The following EPDR1 variants were observed in gnomAD, a reference collection of about 807,000 sequenced individuals.
EPDR1 encodes the protein mammalian ependymin-related protein 1.
In EPDR1, 27 loss-of-function variants were observed where a neutral mutation model predicts 23.7. The ratio of observed to expected loss-of-function variants is 1.14; its 90% CI spans 0.84 to 1.57. The LOEUF is 1.57. Ranked by LOEUF, EPDR1 falls within the 40% of genes most tolerant of loss-of-function variation. EPDR1 has a pLI of 0.00. For synonymous variants in EPDR1, 137 were observed against 118.2 expected (o/e 1.16, Z -1.03); for missense variants, 349 against 290.4 (o/e 1.20, Z -1.47).
At chr7:37,929,330 GCTGTGT>G (rs1785884177) in intron 1 of EPDR1, among the ~76,000 whole-genome samples, 1 of 152,148 alleles carries the variant, frequency 6.6e-6, no homozygotes, top group African/African-American at 2.4e-5. Context: ...TATGGTTGTT[GCTGTGT>G]CTCTAACTCC....
At chr7:37,948,261 G>A (rs1583672803) in intron 1 of EPDR1, among the ~76,000 whole-genome samples, 1 of 152,002 alleles carries the variant, frequency 6.6e-6, no homozygotes, top group African/African-American at 2.4e-5. Flanking sequence ...TCTTCCCCAT[G>A]TTTGTATGCT....
At chr7:37,931,526 TA>T (rs59487813) in intron 1 of EPDR1, among the ~76,000 whole-genome samples, 21,897 of 151,298 alleles carry the variant, frequency 0.14, 1,735 homozygotes, top group Middle Eastern at 0.22. Flanking sequence ...AATAAATAAA[TA>T]AAAAAAATAA....
chr7:37,946,670 G>A (rs555341490), intron 1 of EPDR1, among the ~76,000 whole-genome samples: 3 of 152,222 alleles, frequency 2.0e-5, no homozygotes, highest in Non-Finnish European at 2.9e-5. Context: ...CTCCATGCAT[G>A]TTACTGGCCC....
intron 1 of EPDR1, among the ~76,000 whole-genome samples, chr7:37,936,227 A>G (rs1035825483): frequency 4.0e-5 from 6 of 151,730 alleles, no homozygotes; most frequent in Non-Finnish European, 7.4e-5. Context: ...AAATCCATAA[A>G]TATCTATAAA....
At chr7:37,939,956 C>T (rs1786137401) in intron 1 of EPDR1, among the ~76,000 whole-genome samples, 2 of 152,164 alleles carry the variant, frequency 1.3e-5, no homozygotes, top group Admixed American at 6.5e-5. Flanking sequence ...ATAATTTACC[C>T]TAAACATACA....
At chr7:37,944,555 A>C (rs186447482) in intron 1 of EPDR1, among the ~76,000 whole-genome samples, 39 of 152,122 alleles carry the variant, frequency 2.6e-4, no homozygotes, top group Non-Finnish European at 4.6e-4. Context: ...ACAGTGGCAG[A>C]AGAAGGAAGA....
Position 37,921,210 on chromosome 7 carries a change from T to C in EPDR1, c.269+2T>C. The C allele has an allele frequency of 6.3e-7, 1 of 1,582,074 alleles. No homozygotes were observed. On this transcript the variant is annotated splice_donor_variant, in intron 1 of 2. Transcript: ENST00000199448. LOFTEE classifies it high-confidence loss of function. ...GAAGGCGCTGATCCCCTGCAAGAGGTACAGGTCATCGGCCCGCGGGGCGGG... is the reference window on the plus strand; with the variant it reads ...GAAGGCGCTGATCCCCTGCAAGAGGCACAGGTCATCGGCCCGCGGGGCGGG...
At chr7:37,928,329 T>C (rs1244982824) in intron 1 of EPDR1, among the ~76,000 whole-genome samples, 3 of 152,194 alleles carry the variant, frequency 2.0e-5, no homozygotes, top group South Asian at 4.1e-4. Context: ...TAGTCTTAGA[T>C]TTCACCAATT....
intron 1 of EPDR1, among the ~76,000 whole-genome samples, chr7:37,948,217 A>G (rs1786319810): frequency 6.6e-6 from 1 of 152,064 alleles, no homozygotes; most frequent in Non-Finnish European, 1.5e-5. Context: ...GGGTAAACAA[A>G]AGTTCACAAA....
At chr7:37,928,018 A>G (rs1002549351) in intron 1 of EPDR1, among the ~76,000 whole-genome samples, 5 of 152,218 alleles carry the variant, frequency 3.3e-5, no homozygotes, top group African/African-American at 1.2e-4. Context: ...CAGTGTGTCT[A>G]TAGACCCTGG....
intron 1 of EPDR1, among the ~76,000 whole-genome samples, chr7:37,933,668 C>T (rs965989642): frequency 2.6e-5 from 4 of 152,146 alleles, no homozygotes; most frequent in African/African-American, 7.2e-5. Context: ...TTCACCTATA[C>T]CCAGGCCAAG....
chr7:37,925,327 T>C (rs938351755), intron 1 of EPDR1, among the ~76,000 whole-genome samples: 3 of 152,220 alleles, frequency 2.0e-5, no homozygotes, highest in African/African-American at 4.8e-5. Context: ...AATGAAGCTC[T>C]TAATGCAGAG....
chr7:37,926,642 G>T, intron 1 of EPDR1: 2 of 453,200 alleles, frequency 4.4e-6, no homozygotes, highest in Non-Finnish European at 8.9e-6. Flanking sequence ...ATTTGGGTTT[G>T]TCTGATGTTT....
intron 1 of EPDR1, among the ~76,000 whole-genome samples, chr7:37,930,784 AG>A (rs1446058090): frequency 1.3e-5 from 2 of 152,214 alleles, no homozygotes; most frequent in South Asian, 2.1e-4. Flanking sequence ...TATATTGAAA[AG>A]AATTTGAAGT....
At chr7:37,924,625 C>A (rs1396051992) in intron 1 of EPDR1, among the ~76,000 whole-genome samples, 1 of 152,194 alleles carries the variant, frequency 6.6e-6, no homozygotes, top group Non-Finnish European at 1.5e-5. Context: ...CCAATAGGTG[C>A]TGGTTTCACA....
intron 1 of EPDR1, among the ~76,000 whole-genome samples, chr7:37,924,852 A>C (rs1785784908): frequency 6.6e-6 from 1 of 152,236 alleles, no homozygotes; most frequent in African/African-American, 2.4e-5. Context: ...TATTTGAAGA[A>C]AATATGGATG....
At chr7:37,944,939 G>C (rs1475401225) in intron 1 of EPDR1, among the ~76,000 whole-genome samples, 1 of 152,180 alleles carries the variant, frequency 6.6e-6, no homozygotes, top group Non-Finnish European at 1.5e-5. Flanking sequence ...ATCAGCAAAA[G>C]CTAGGAATGC....
chr7:37,933,623 T>C (rs58668076), intron 1 of EPDR1, among the ~76,000 whole-genome samples: 36,598 of 152,168 alleles, frequency 0.24, 4,639 homozygotes, highest in East Asian at 0.3. Flanking sequence ...AGAAAAACAC[T>C]TGTCTCTTGA....
At chr7:37,924,550 C>T (rs909175352) in intron 1 of EPDR1, among the ~76,000 whole-genome samples, 12 of 152,146 alleles carry the variant, frequency 7.9e-5, no homozygotes, top group African/African-American at 2.7e-4. Flanking sequence ...GAGTCACAGC[C>T]AACTCTTGCT....
Sources: gnomAD v4.1 joint callset for allele counts (sites outside exome capture counted in the v4.1 genomes callset) on GRCh38, gnomAD v4.1.1 for gene constraint, MANE v1.5 for transcripts, NCBI Gene and HGNC (gene_info 2026-07-23, HGNC 2026-07-21) for gene names.